Variants in ZNF324B observed in about 807,000 individuals in gnomAD.
ZNF324B encodes the protein zinc finger protein 324B.
In ZNF324B, 7 loss-of-function variants were observed where a neutral mutation model predicts 10.6. The observed-to-expected ratio is 0.66, with a 90% CI of 0.38 to 1.24. The LOEUF (loss-of-function observed/expected upper bound fraction) is 1.24, where lower values mean the gene tolerates loss of function less well. ZNF324B is among the 50% of genes most tolerant of loss of function. The pLI, the probability that ZNF324B is intolerant of heterozygous loss-of-function variation, is 0.02. For missense variants in ZNF324B, 640 were observed against 764.7 expected, an observed-to-expected ratio of 0.84 and a Z score of 1.92; for synonymous variants, 316 against 321.0, an observed-to-expected ratio of 0.98 and a Z score of 0.17.
At position 58,454,229 on chromosome 19, in the gene ZNF324B, ACT is replaced by A. The variant is rs1157550019; in HGVS notation, c.128_129del (p.Ser43TyrfsTer11). ...GCTCTCACCTGCTCCTCCTCACAGG[ACT>A]CTCTACCTCCCGACCTCGTGTGGTC... is the stretch of plus-strand genomic sequence containing the variant. ...ENFTLVTSLG[L>X]STSRPRVVIQ... On this transcript the variant is annotated frameshift_variant and splice_region_variant, in exon 3 of 4. Coordinates refer to ENST00000336614, the MANE Select transcript of ZNF324B (RefSeq NM_207395.3). LOFTEE classifies it high-confidence loss of function. 3 of 1,611,228 alleles carry A rather than the reference ACT, an allele frequency of 1.9e-6. No individual in the cohort carries two copies. The highest frequency in any genetic ancestry group is 1.7e-4 in the Middle Eastern group (1 of 6,008).
At chr19:58,422,124 C>T in the ZNF324B span, among the ~76,000 whole-genome samples, 1 of 152,128 alleles carries the variant, frequency 6.6e-6, no homozygotes, top group African/African-American at 2.4e-5. Context: ...GCTATGTTGG[C>T]TAGGCTGGTC....
rs2052922379 is a variant in ZNF324B at position 58,456,387 on chromosome 19, C to T, written c.1443C>T (p.Phe481=). The T allele has an allele frequency of 1.2e-6, 2 of 1,612,988 alleles. No homozygotes were observed. Among genetic ancestry groups the T allele is most frequent in the Admixed American group, 1.7e-5 (1 of 60,008 alleles). Residue 481 remains phenylalanine, a synonymous_variant, in exon 4 of 4, where the codon TTC becomes TTT. Transcript: ENST00000336614. The surrounding 1 kb of genome is among the most constrained non-coding windows in gnomAD (Gnocchi z 4.7). ...GCATTCACACGGGCGAGAAGCCCTT[C>T]GTGTGCACGCAGTGTGGCCGCGCCT... The part of the protein sequence containing the change: ...HRRIHTGEKP[F]VCTQCGRAFR...
chr19:58,455,953 G>C lies in ZNF324B; in HGVS notation c.1009G>C (p.Ala337Pro). The C allele has an allele frequency of 6.3e-7, 1 of 1,593,796 alleles. No individual in the cohort carries two copies. The highest frequency in any genetic ancestry group is 8.6e-7 in the Non-Finnish European group (1 of 1,167,734). Residue 337 changes from alanine (A) to proline (P), a missense_variant, in exon 4 of 4, where the codon GCC becomes CCC. Ala to Pro is a conservative substitution (Grantham distance 27, BLOSUM62 -1). Around this residue, in one of 3 missense-constraint regions of ZNF324B, gnomAD observed 57 missense variants for 118.8 expected, o/e 0.48. Coordinates refer to ENST00000336614, the MANE Select transcript of ZNF324B (RefSeq NM_207395.3). The surrounding 1 kb of genome is among the most constrained non-coding windows in gnomAD (Gnocchi z 7.0). ...GGTGCGGCACCAGCGCATCCACACG[G>C]CCGAGAAGTCCTTCCGCTGCTCCGA... ...SLVRHQRIHTAEKSFRCSECG... is the reference protein window; with the variant it reads ...SLVRHQRIHTPEKSFRCSECG...
chr19:58,437,298 A>T, the ZNF324B span: 1 of 1,434,972 alleles, frequency 7.0e-7, no homozygotes, highest in Non-Finnish European at 9.3e-7. Flanking sequence ...ATCTACCACT[A>T]ATATCTCTTT....
In ZNF324B at chr19:58,456,884, C is replaced by T; in HGVS notation, c.*305C>T. ...CCATAGGACGCCGACAAAGGCAGCG[C>T]TGCATGGTGGTGCTACTTCATGTGT... is the stretch of plus-strand genomic sequence containing the variant. On this transcript the variant is annotated 3_prime_UTR_variant, in exon 4 of 4. Coordinates refer to ENST00000336614, the MANE Select transcript of ZNF324B (RefSeq NM_207395.3). This position sits in a 1 kb window ranked among gnomAD's most constrained non-coding sequence, Gnocchi z 4.7. The T allele has an allele frequency of 2.0e-6, 1 of 492,260 alleles. No individual in the cohort carries two copies. 30.5% of individuals were successfully genotyped at this position (492,260 alleles called of 1,614,324 possible).
At chr19:58,439,955 TG>T in the ZNF324B span, 1 of 895,634 alleles carries the variant, frequency 1.1e-6, no homozygotes, top group East Asian at 3.0e-5. Flanking sequence ...GGACGAAGGC[TG>T]GGTATGGAGA....
the ZNF324B span, chr19:58,437,703 A>G: frequency 4.1e-5 from 40 of 985,150 alleles, no homozygotes; most frequent in Non-Finnish European, 4.7e-5. Context: ...TCTCCCTAGC[A>G]TCTCACCATG....
At chr19:58,425,805 T>C in the ZNF324B span, among the ~76,000 whole-genome samples, 1 of 152,086 alleles carries the variant, frequency 6.6e-6, no homozygotes, top group Non-Finnish European at 1.5e-5. Context: ...AAAAACAGCC[T>C]AACAAAAAGG....
At chr19:58,451,537 C>T (rs1191322367), upstream of ZNF324B, 1 of 500,498 alleles carries the variant, frequency 2.0e-6, no homozygotes, top group Non-Finnish European at 4.0e-6. Context: ...GCAGGAACCA[C>T]ATAACCCAGA....
At chr19:58,445,336 T>C in the ZNF324B span, 2 of 496,810 alleles carry the variant, frequency 4.0e-6, no homozygotes, top group African/African-American at 2.0e-5. Flanking sequence ...GAGCAAAAAA[T>C]TGCAGCTCCT....
chr19:58,440,180 A>G, the ZNF324B span: 4 of 322,528 alleles, frequency 1.2e-5, no homozygotes, highest in Non-Finnish European at 1.7e-5. Flanking sequence ...CCGCCTCTCA[A>G]TGACAGCTCG....
At chr19:58,449,264 G>A (rs1599975392), upstream of ZNF324B, among the ~76,000 whole-genome samples, 1 of 152,384 alleles carries the variant, frequency 6.6e-6, no homozygotes, top group East Asian at 1.9e-4. Flanking sequence ...TTCAGAAGAT[G>A]TATGGAAATG....
At chr19:58,439,929 C>T in the ZNF324B span, 1 of 1,166,752 alleles carries the variant, frequency 8.6e-7, no homozygotes, top group South Asian at 1.4e-5. Flanking sequence ...GCGCGCAAGG[C>T]CTCTGGGCAC....
chr19:58,454,832 CAAGACGGGGCACCAGGG>C (rs1056246243), intron 3 of ZNF324B: 2 of 526,658 alleles, frequency 3.8e-6, no homozygotes, highest in Admixed American at 3.2e-5. Context: ...AGTGGGTGCC[CAAGACGGGGCACCAGGG>C]GAGAAGGGAG....
chr19:58,423,121 G>A, the ZNF324B span, among the ~76,000 whole-genome samples: 8 of 151,562 alleles, frequency 5.3e-5, no homozygotes, highest in Non-Finnish European at 7.4e-5. Flanking sequence ...TGCCTGCCTC[G>A]GCCTCCCAAA....
At chr19:58,451,400 A>G (rs1312307243), upstream of ZNF324B, among the ~76,000 whole-genome samples, 1 of 152,244 alleles carries the variant, frequency 6.6e-6, no homozygotes, top group African/African-American at 2.4e-5. Context: ...GGGCGACTCA[A>G]CCAGTGCCAC....
In ZNF324B at chr19:58,457,521, C is replaced by T. The variant is rs1357906206; in HGVS notation, c.*942C>T. The T allele has an allele frequency of 7.6e-6, 1 of 131,278 alleles. No homozygotes were observed. The highest frequency in any genetic ancestry group is 1.6e-5 in the Non-Finnish European group (1 of 61,794). 8.1% of individuals were successfully genotyped at this position (131,278 alleles called of 1,614,324 possible). A position where few individuals can be genotyped will look rare whatever the true frequency, so the allele number is the denominator to read the frequency against. On this transcript the variant is annotated 3_prime_UTR_variant, in exon 4 of 4. Transcript: ENST00000336614. ...ATTTGGTGGCCGATCCCCGCCCCCACCCCCACCCCCTCCATCTCACCTTTC... is the reference window on the plus strand; with the variant it reads ...ATTTGGTGGCCGATCCCCGCCCCCATCCCCACCCCCTCCATCTCACCTTTC...
the ZNF324B span, among the ~76,000 whole-genome samples, chr19:58,427,445 T>TCC: frequency 4.4e-4 from 33 of 74,784 alleles, 3 homozygotes; most frequent in Non-Finnish European, 4.9e-4. Context: ...CTTCCTTCCT[T>TCC]TCCTTTCCCT....
In ZNF324B at chr19:58,451,660, G is replaced by C. The variant is rs1436773672; in HGVS notation, c.-51G>C. 2.0e-6 allele frequency: 1 copy of C among 509,464 alleles called. No homozygotes were observed. 31.6% of individuals were successfully genotyped at this position (509,464 alleles called of 1,614,324 possible). On this transcript the variant is annotated 5_prime_UTR_variant, in exon 1 of 4. Coordinates refer to ENST00000336614, the MANE Select transcript of ZNF324B (RefSeq NM_207395.3). ...TCGCGTCAGGCCACACCGGTGGTCTGGGCTGTGGCGCGCGGGTCGGGGCCC... is the reference window on the plus strand; with the variant it reads ...TCGCGTCAGGCCACACCGGTGGTCTCGGCTGTGGCGCGCGGGTCGGGGCCC...
Sources: allele counts gnomAD v4.1 joint callset (sites outside exome capture counted in the v4.1 genomes callset), GRCh38; gene constraint gnomAD v4.1.1; regional missense constraint gnomAD v4.1.1; non-coding constraint Gnocchi (gnomAD v3.1); transcripts MANE v1.5; gene names NCBI Gene and HGNC (gene_info 2026-07-23, HGNC 2026-07-21).